Variants in NRP1 observed in about 807,000 individuals in gnomAD.
NRP1 encodes the protein neuropilin-1.
Under a neutral mutation model 106.7 loss-of-function variants are expected in NRP1, and 35 were observed. The ratio of observed to expected loss-of-function variants is 0.33; its 90% CI spans 0.25 to 0.43. The LOEUF is 0.43. Among genes scored for constraint, NRP1 ranks in the 20% least tolerant of loss-of-function variants. NRP1 has a pLI of 1.00. For synonymous variants in NRP1, 437 were observed against 417.9 expected (o/e 1.05, Z -0.56); for missense variants, 1,024 against 1,170.4 (o/e 0.87, Z 1.83).
At chr10:33,206,937 T>C (rs928369631) in intron 10 of NRP1, among the ~76,000 whole-genome samples, 1 of 152,242 alleles carries the variant, frequency 6.6e-6, no homozygotes. Context: ...GTCAGTCTAC[T>C]TTCAGACACG....
At chr10:33,311,957 T>C (rs1186760375) in intron 2 of NRP1, among the ~76,000 whole-genome samples, 2 of 152,144 alleles carry the variant, frequency 1.3e-5, no homozygotes, top group African/African-American at 2.4e-5. Flanking sequence ...TTTTTTCTCA[T>C]AACAGTGTTT....
chr10:33,310,303 T>C (rs1441124165), intron 2 of NRP1, among the ~76,000 whole-genome samples: 1 of 139,610 alleles, frequency 7.2e-6, no homozygotes, highest in Non-Finnish European at 1.5e-5. Flanking sequence ...CAGGCTAGTG[T>C]GCAATGGCAC....
intron 6 of NRP1, chr10:33,249,559 T>G (rs1027755718): frequency 3.9e-6 from 2 of 512,474 alleles, no homozygotes; most frequent in Non-Finnish European, 7.9e-6. Context: ...CCTAGAATGA[T>G]TAACCAGAAA....
intron 10 of NRP1, among the ~76,000 whole-genome samples, chr10:33,203,386 C>G (rs1837497374): frequency 6.6e-6 from 1 of 152,178 alleles, no homozygotes; most frequent in South Asian, 2.1e-4. Flanking sequence ...TGTTAGAGCA[C>G]TCACTTGTCA....
At chr10:33,330,958 G>A in intron 1 of NRP1, 76 bp from the exon 2 acceptor site, 1 of 1,300,276 alleles carries the variant, frequency 7.7e-7, no homozygotes, top group Non-Finnish European at 1.1e-6. Flanking sequence ...GTAAATTACT[G>A]GTTATTAAAC....
At chr10:33,221,148 G>A (rs140089218) in intron 8 of NRP1, among the ~76,000 whole-genome samples, 1,858 of 152,036 alleles carry the variant, frequency 0.012, 33 homozygotes, top group Non-Finnish European at 0.015. Context: ...AAGGTTGAGG[G>A]TGCAGTGAGC....
At chr10:33,328,845 T>G (rs562006419) in intron 2 of NRP1, among the ~76,000 whole-genome samples, 1 of 152,322 alleles carries the variant, frequency 6.6e-6, no homozygotes, top group Non-Finnish European at 1.5e-5. Flanking sequence ...TAACTAGTGA[T>G]TATTCTGAAT....
intron 11 of NRP1, among the ~76,000 whole-genome samples, chr10:33,199,972 A>G (rs1051554126): frequency 6.6e-6 from 1 of 152,202 alleles, no homozygotes; most frequent in South Asian, 2.1e-4. Context: ...CTGCAGCACC[A>G]AGTCATGGTA....
At chr10:33,289,497 A>T (rs1378768431) in intron 2 of NRP1, among the ~76,000 whole-genome samples, 1 of 152,176 alleles carries the variant, frequency 6.6e-6, no homozygotes, top group Non-Finnish European at 1.5e-5. Context: ...GAGAAATAAA[A>T]TGTTTAGATC....
intron 9 of NRP1, chr10:33,211,699 A>C (rs1453093608): frequency 6.6e-6 from 1 of 152,254 alleles, no homozygotes; most frequent in Non-Finnish European, 1.5e-5. Flanking sequence ...CTGGCAGCAC[A>C]GCCTGGCTTC....
At chr10:33,196,993 G>A (rs1836832472) in intron 12 of NRP1, among the ~76,000 whole-genome samples, 1 of 152,076 alleles carries the variant, frequency 6.6e-6, no homozygotes, top group Non-Finnish European at 1.5e-5. Context: ...TACGTCTGCC[G>A]GGAAGAATTT....
chr10:33,326,964 A>AT (rs1328223581), intron 2 of NRP1, among the ~76,000 whole-genome samples: 2 of 152,002 alleles, frequency 1.3e-5, no homozygotes, highest in South Asian at 4.2e-4. Flanking sequence ...TAAATAAAAA[A>AT]TTTTTTTTTT....
At chr10:33,222,296 G>A (rs185181447) in intron 7 of NRP1, among the ~76,000 whole-genome samples, 3 of 152,194 alleles carry the variant, frequency 2.0e-5, no homozygotes, top group East Asian at 1.9e-4. Flanking sequence ...ATTCTAGGTC[G>A]TGTTTGCAGC....
chr10:33,226,471 C>T (rs1045239834), intron 6 of NRP1, among the ~76,000 whole-genome samples, 182 bp from the exon 7 acceptor site: 1 of 152,176 alleles, frequency 6.6e-6, no homozygotes, highest in South Asian at 2.1e-4. Flanking sequence ...AAGGCAAAGG[C>T]ATGATCAATG....
chr10:33,309,696 T>G (rs1846432998), intron 2 of NRP1, among the ~76,000 whole-genome samples: 2 of 152,240 alleles, frequency 1.3e-5, no homozygotes, highest in Admixed American at 6.5e-5. Context: ...CCATTGTCCT[T>G]GGAACACCCT....
chr10:33,213,726 T>G lies in NRP1; in HGVS notation c.1283-9A>C, dbSNP rs1838520998. The stretch of plus-strand genomic sequence containing the variant: ...TCCAGAGCAAGGATAATCTGGGAAG[T>G]GAAATGAAACAGATAATGTAAAATG... On this transcript the variant is annotated splice_polypyrimidine_tract_variant and intron_variant, in intron 8 of 16. Transcript: ENST00000374867. 4 of 1,560,428 alleles carry G rather than the reference T, an allele frequency of 2.6e-6. No individual in the cohort carries two copies. In the East Asian group the frequency reaches 6.8e-5, roughly 26 times the overall value.
At chr10:33,232,638 C>CTTTT (rs71030049) in intron 6 of NRP1, among the ~76,000 whole-genome samples, 66 of 94,214 alleles carry the variant, frequency 7.0e-4, no homozygotes, top group East Asian at 1.2e-3. Flanking sequence ...TTTTCTTTTC[C>CTTTT]TTTTTTTTTT....
intron 10 of NRP1, chr10:33,205,985 T>G: frequency 4.1e-6 from 1 of 242,158 alleles, no homozygotes; most frequent in South Asian, 5.1e-5. Flanking sequence ...CTCCTAAAGT[T>G]AGTTTGGCCT....
intron 6 of NRP1, among the ~76,000 whole-genome samples, chr10:33,238,905 CTGTGTGTGTGTG>C (rs34194923): frequency 6.7e-6 from 1 of 148,610 alleles, no homozygotes; most frequent in Non-Finnish European, 1.5e-5. Context: ...GTGGGTGCCT[CTGTGTGTGTGTG>C]TGTGTGTGTG....
Sources: gnomAD v4.1 joint callset for allele counts (sites outside exome capture counted in the v4.1 genomes callset) on GRCh38, gnomAD v4.1.1 for gene constraint, MANE v1.5 for transcripts, NCBI Gene and HGNC (gene_info 2026-07-23, HGNC 2026-07-21) for gene names.